KCNQ3: variants seen among roughly 807,000 people sequenced by gnomAD.
KCNQ3 encodes potassium voltage-gated channel subfamily KQT member 3.
A neutral mutation model predicts 92.5 loss-of-function variants in KCNQ3; 30 were observed. The observed-to-expected ratio is 0.32, with a 90% CI of 0.24 to 0.44. KCNQ3 has a LOEUF of 0.44. Ranked by LOEUF, KCNQ3 falls within the 20% of genes least tolerant of loss-of-function variation. KCNQ3 has a pLI of 1.00. For synonymous variants in KCNQ3, 450 were observed against 468.8 expected (o/e 0.96, Z 0.52); for missense variants, 913 against 1,140.3 (o/e 0.80, Z 2.87).
At chr8:132,191,329 T>C (rs974481463) in intron 1 of KCNQ3, among the ~76,000 whole-genome samples, 4 of 152,026 alleles carry the variant, frequency 2.6e-5, no homozygotes, top group African/African-American at 9.7e-5. Context: ...TCATGGTTAA[T>C]TTTGTTTTTA....
chr8:132,407,763 TG>T (rs1820530897), intron 1 of KCNQ3, among the ~76,000 whole-genome samples: 1 of 152,216 alleles, frequency 6.6e-6, no homozygotes, highest in Non-Finnish European at 1.5e-5. Context: ...TACATCTTCC[TG>T]GTGCTGCCTC....
At chr8:132,458,344 C>G (rs1459159559) in intron 1 of KCNQ3, among the ~76,000 whole-genome samples, 1 of 152,276 alleles carries the variant, frequency 6.6e-6, no homozygotes, top group African/African-American at 2.4e-5. Flanking sequence ...GTGGGCCAGG[C>G]CCATGAAGGC....
At chr8:132,342,805 A>G (rs149324293) in intron 1 of KCNQ3, among the ~76,000 whole-genome samples, 2 of 152,392 alleles carry the variant, frequency 1.3e-5, no homozygotes, top group East Asian at 3.8e-4. Flanking sequence ...ATAGTTCTGA[A>G]GTATGTATAG....
intron 1 of KCNQ3, among the ~76,000 whole-genome samples, chr8:132,305,174 C>T (rs1817379827): frequency 6.6e-6 from 1 of 152,160 alleles, no homozygotes. Context: ...TAAAGTATGA[C>T]CTGCAAAAGG....
chr8:132,351,818 A>G lies in KCNQ3; in HGVS notation c.386+128329T>C, dbSNP rs180810660. 4.6e-5 allele frequency among the ~76,000 whole-genome samples: 7 copies of G among 152,324 alleles called. No homozygotes were observed. In the East Asian group the frequency reaches 1.2e-3, roughly 25 times the overall value. ...GAGAGGCACTGGCTATAGGGATAAG[A>G]CAATCACTTTGGGTTCCAACAGATG... On this transcript the variant is annotated intron_variant, in intron 1 of 14. Transcript: ENST00000388996.
At chr8:132,288,532 C>T (rs1661352797) in intron 1 of KCNQ3, among the ~76,000 whole-genome samples, 1 of 152,190 alleles carries the variant, frequency 6.6e-6, no homozygotes, top group South Asian at 2.1e-4. Context: ...GTTTAAAATG[C>T]CTCTCCTTCC....
intron 1 of KCNQ3, among the ~76,000 whole-genome samples, chr8:132,366,979 GT>G (rs1169801870): frequency 2.0e-5 from 3 of 152,126 alleles, no homozygotes; most frequent in African/African-American, 7.2e-5. Flanking sequence ...AACTTTGGAA[GT>G]TTTTCTTATT....
At chr8:132,352,650 T>C (rs900363037) in intron 1 of KCNQ3, among the ~76,000 whole-genome samples, 1 of 152,232 alleles carries the variant, frequency 6.6e-6, no homozygotes, top group Non-Finnish European at 1.5e-5. Flanking sequence ...GCAACAGTTA[T>C]GCCAAAGGGC....
At chr8:132,241,945 C>T (rs1815012294) in intron 1 of KCNQ3, among the ~76,000 whole-genome samples, 1 of 152,166 alleles carries the variant, frequency 6.6e-6, no homozygotes, top group Non-Finnish European at 1.5e-5. Context: ...GACTAACTTA[C>T]TGAAAACTGT....
intron 1 of KCNQ3, among the ~76,000 whole-genome samples, chr8:132,468,217 T>C (rs1224579193): frequency 1.3e-5 from 2 of 152,160 alleles, no homozygotes; most frequent in African/African-American, 4.8e-5. Flanking sequence ...ACAGCTGATA[T>C]GGAGTGAGAC....
intron 1 of KCNQ3, among the ~76,000 whole-genome samples, chr8:132,416,938 G>T (rs545469622): frequency 2.0e-5 from 3 of 152,292 alleles, no homozygotes; most frequent in East Asian, 3.9e-4. Context: ...AAACAGAAGG[G>T]CTAACATGTG....
chr8:132,397,495 G>C (rs1205769995), intron 1 of KCNQ3, among the ~76,000 whole-genome samples: 1 of 152,174 alleles, frequency 6.6e-6, no homozygotes, highest in Non-Finnish European at 1.5e-5. Flanking sequence ...GGTTGGGATG[G>C]GAATCATGTA....
At chr8:132,263,155 C>T (rs1815849746) in intron 1 of KCNQ3, among the ~76,000 whole-genome samples, 1 of 152,212 alleles carries the variant, frequency 6.6e-6, no homozygotes, top group Middle Eastern at 3.2e-3. Flanking sequence ...GTGCTGGCCT[C>T]ACTGTAGTTT....
chr8:132,286,748 C>T lies in KCNQ3; in HGVS notation c.387-100567G>A, dbSNP rs116211023. On this transcript the variant is annotated intron_variant, in intron 1 of 14. Transcript: ENST00000388996. Reference sequence around the variant, plus strand: ...AACTTATGTTGAAATTTAATTGCCACTGTGACAATGTTGGGAGGTAGTTCT... The same window carrying T: ...AACTTATGTTGAAATTTAATTGCCATTGTGACAATGTTGGGAGGTAGTTCT... Among the ~76,000 whole-genome samples, 722 of 152,326 alleles carry T rather than the reference C, an allele frequency of 4.7e-3. 6 individuals are homozygous for T. The highest frequency in any genetic ancestry group is 0.017 in the African/African-American group (700 of 41,570).
intron 1 of KCNQ3, among the ~76,000 whole-genome samples, chr8:132,263,430 G>C (rs930567707): frequency 3.9e-5 from 6 of 152,188 alleles, no homozygotes; most frequent in African/African-American, 1.4e-4. Context: ...CCAGTTCCCT[G>C]AAGTGTGGGC....
intron 8 of KCNQ3, among the ~76,000 whole-genome samples, chr8:132,166,583 G>A (rs1158737226): frequency 1.3e-5 from 2 of 152,196 alleles, no homozygotes; most frequent in African/African-American, 2.4e-5. Context: ...CTGAACTTCT[G>A]GGGGCTCTCA....
chr8:132,468,144 G>A (rs1001698945), intron 1 of KCNQ3, among the ~76,000 whole-genome samples: 1 of 152,202 alleles, frequency 6.6e-6, no homozygotes, highest in South Asian at 2.1e-4. Flanking sequence ...AAGTACTGCT[G>A]GTTTCATTTT....
chr8:132,234,271 A>G lies in KCNQ3; in HGVS notation c.387-48090T>C, dbSNP rs558586956. 1.8e-4 allele frequency among the ~76,000 whole-genome samples: 27 copies of G among 151,684 alleles called. No individual in the cohort carries two copies. In the South Asian group the frequency reaches 5.2e-3, roughly 29 times the overall value. On this transcript the variant is annotated intron_variant, in intron 1 of 14. Transcript: ENST00000388996. ...GGTCTCACTTAGTCTTTGCTCTGTA[A>G]AGTGGGTGTTCAGATCCTCTTTTGG...
intron 1 of KCNQ3, among the ~76,000 whole-genome samples, chr8:132,267,962 A>T (rs1334422846): frequency 6.6e-6 from 1 of 152,210 alleles, no homozygotes; most frequent in East Asian, 1.9e-4. Context: ...TATAGTTCAC[A>T]TTAGGGTTCA....
Sources: allele counts gnomAD v4.1 joint callset (sites outside exome capture counted in the v4.1 genomes callset), GRCh38; gene constraint gnomAD v4.1.1; transcripts MANE v1.5; gene names NCBI Gene and HGNC (gene_info 2026-07-23, HGNC 2026-07-21).